Variants in BICD1 observed in about 807,000 individuals in gnomAD.
The protein encoded by BICD1 is BICD cargo adaptor 1.
A neutral mutation model predicts 92.5 loss-of-function variants in BICD1; 35 were observed. The ratio of observed to expected loss-of-function variants is 0.38; its 90% confidence interval spans 0.29 to 0.50. The LOEUF is 0.50. Ranked by LOEUF, BICD1 falls within the 20% of genes least tolerant of loss-of-function variation. The probability of loss-of-function intolerance (pLI) is 0.93; values close to 1 mark genes in which losing one functional copy is unlikely to be tolerated. For missense variants in BICD1, 950 were observed against 1,189.8 expected (o/e 0.80, Z 2.97); for synonymous variants, 429 against 465.1 (o/e 0.92, Z 1.00).
Position 32,117,711 on chromosome 12 carries a change from T to TACACACACACACAC in BICD1, c.213+10179_213+10192dup, listed in dbSNP as rs747943737. Reference sequence around the variant, plus strand: ...ATATATATATATACACAAATATATATACACACACACACACACACACACACA... The same window carrying TACACACACACACAC: ...ATATATATATATACACAAATATATATACACACACACACACACACACACACACACACACACACACA... On this transcript the variant is annotated intron_variant, in intron 1 of 9. Transcript: ENST00000652176. Among the ~76,000 whole-genome samples, 267 of 116,968 alleles carry TACACACACACACAC rather than the reference T, an allele frequency of 2.3e-3. 2 individuals carry two copies. Among genetic ancestry groups the TACACACACACACAC allele is most frequent in the African/African-American group, 6.6e-3 (201 of 30,430 alleles). 76.7% of individuals were successfully genotyped at this position (116,968 alleles called of 152,430 possible). A position where few individuals can be genotyped will look rare whatever the true frequency, so the allele number is the denominator to read the frequency against.
intron 2 of BICD1, among the ~76,000 whole-genome samples, chr12:32,245,979 G>T (rs11051873): frequency 7.9e-6 from 1 of 126,666 alleles, no homozygotes; most frequent in Admixed American, 9.6e-5. Context: ...GCAGTGAGCC[G>T]AGATCGTGTC....
intron 1 of BICD1, chr12:32,108,779 T>A: frequency 1.7e-6 from 1 of 591,884 alleles, no homozygotes; most frequent in South Asian, 2.0e-5. Context: ...ATGTACTACC[T>A]ATGATTAAAA....
chr12:32,120,263 A>C (rs760834956), intron 1 of BICD1, among the ~76,000 whole-genome samples: 2 of 152,200 alleles, frequency 1.3e-5, no homozygotes, highest in African/African-American at 4.8e-5. Context: ...GTTTTCCAAC[A>C]TTTTAAGGAG....
intron 5 of BICD1, among the ~76,000 whole-genome samples, chr12:32,333,672 T>C (rs1174348905): frequency 1.3e-5 from 2 of 152,228 alleles, no homozygotes; most frequent in African/African-American, 4.8e-5. Flanking sequence ...GGCTTCAACA[T>C]GCAAACTGTG....
chr12:32,225,664 A>G (rs1350677378), intron 2 of BICD1, among the ~76,000 whole-genome samples: 1 of 92,780 alleles, frequency 1.1e-5, no homozygotes, highest in East Asian at 4.9e-4. Flanking sequence ...GCTCTTGTCC[A>G]GGCTGGAGTT....
At chr12:32,329,661 T>C (rs1440415515) in intron 5 of BICD1, among the ~76,000 whole-genome samples, 1 of 152,182 alleles carries the variant, frequency 6.6e-6, no homozygotes, top group Non-Finnish European at 1.5e-5. Flanking sequence ...AAATTTAGGT[T>C]CATTTGGGAT....
chr12:32,148,515 G>A (rs1347384976), intron 1 of BICD1, among the ~76,000 whole-genome samples: 4 of 152,100 alleles, frequency 2.6e-5, no homozygotes, highest in African/African-American at 9.7e-5. Flanking sequence ...ATGCAAGAGC[G>A]TCCTCGAGCC....
intron 1 of BICD1, among the ~76,000 whole-genome samples, chr12:32,216,030 CT>C (rs1324639203): frequency 2.7e-5 from 4 of 148,126 alleles, no homozygotes; most frequent in Non-Finnish European, 4.5e-5. Flanking sequence ...TGCATTACAT[CT>C]TTTTTTCACA....
chr12:32,186,149 T>A (rs1151029), intron 1 of BICD1, among the ~76,000 whole-genome samples: 21,925 of 152,164 alleles, frequency 0.14, 1,860 homozygotes, highest in East Asian at 0.22. Context: ...ATTAAAACAC[T>A]TGAGATTCTG....
chr12:32,360,815 G>A (rs992218472), intron 8 of BICD1, among the ~76,000 whole-genome samples: 11 of 152,132 alleles, frequency 7.2e-5, no homozygotes, highest in East Asian at 1.9e-4. Flanking sequence ...TAAAGCTATC[G>A]AGGTCATGAT....
At chr12:32,316,707 A>T (rs576963207) in intron 4 of BICD1, among the ~76,000 whole-genome samples, 31 of 151,548 alleles carry the variant, frequency 2.0e-4, no homozygotes, top group African/African-American at 5.3e-4. Flanking sequence ...TTCTTTTTTT[A>T]AAATTTTATT....
intron 5 of BICD1, chr12:32,333,002 CAA>C (rs1937946149): frequency 1.0e-6 from 1 of 985,270 alleles, no homozygotes; most frequent in African/African-American, 1.7e-5. Flanking sequence ...AACAAATCTA[CAA>C]ACAAAACTGA....
chr12:32,213,897 C>T (rs1241261433), intron 1 of BICD1, among the ~76,000 whole-genome samples: 1 of 152,096 alleles, frequency 6.6e-6, no homozygotes, highest in Non-Finnish European at 1.5e-5. Flanking sequence ...CATACTTTTG[C>T]CCATTAATTT....
chr12:32,284,043 G>T (rs1947490991), intron 2 of BICD1, among the ~76,000 whole-genome samples: 1 of 152,240 alleles, frequency 6.6e-6, no homozygotes, highest in Non-Finnish European at 1.5e-5. Flanking sequence ...AACTACTGAA[G>T]ATCAGGCCTT....
Position 32,306,138 on chromosome 12 carries a change from A to T in BICD1, c.1005+16A>T, listed in dbSNP as rs746215425. ...GCTTATGCAGGTAAGAACTTTGTTT[A>T]GGGCCGCTAGAGTGAATTTCTTGTA... On this transcript the variant is annotated intron_variant, in intron 4 of 9. Transcript: ENST00000652176. The T allele has an allele frequency of 3.2e-6, 5 of 1,549,382 alleles. No individual in the cohort carries two copies. The highest frequency in any genetic ancestry group is 4.5e-5 in the East Asian group (2 of 44,392).
chr12:32,186,864 T>A (rs1453698744), intron 1 of BICD1, among the ~76,000 whole-genome samples: 1 of 152,216 alleles, frequency 6.6e-6, no homozygotes, highest in Non-Finnish European at 1.5e-5. Flanking sequence ...TGTTATAAAA[T>A]ACTTTATTTC....
chr12:32,279,882 C>T (rs950799449), intron 2 of BICD1, among the ~76,000 whole-genome samples: 22 of 152,128 alleles, frequency 1.4e-4, no homozygotes, highest in Admixed American at 4.6e-4. Context: ...GGTGGATCAC[C>T]GGGGTCGGGA....
At chr12:32,180,220 T>A (rs1944233194) in intron 1 of BICD1, among the ~76,000 whole-genome samples, 1 of 151,866 alleles carries the variant, frequency 6.6e-6, no homozygotes, top group African/African-American at 2.4e-5. Context: ...CTGCGACTCC[T>A]CTTAAAGAAT....
chr12:32,200,701 TA>T (rs1944881431), intron 1 of BICD1, among the ~76,000 whole-genome samples: 3 of 152,184 alleles, frequency 2.0e-5, no homozygotes, highest in African/African-American at 7.2e-5. Context: ...AATGTTATTA[TA>T]AATAATGATT....
Sources: allele counts gnomAD v4.1 joint callset (sites outside exome capture counted in the v4.1 genomes callset), GRCh38; gene constraint gnomAD v4.1.1; transcripts MANE v1.5; gene names NCBI Gene and HGNC (gene_info 2026-07-23, HGNC 2026-07-21).